The following NPVF variants were observed in gnomAD, a reference collection of about 807,000 sequenced individuals.
NPVF encodes neuropeptide VF precursor.
NPVF carries 17 observed loss-of-function variants against 15.7 expected under a neutral mutation model. The observed-to-expected ratio is 1.08, with a 90% CI of 0.74 to 1.62. The LOEUF is 1.62. Among genes scored for constraint, NPVF ranks in the 40% most tolerant of loss-of-function variants. The pLI is 0.00. For synonymous variants in NPVF, 70 were observed against 80.1 expected (o/e 0.87, Z 0.67); for missense variants, 270 against 225.2 (o/e 1.20, Z -1.27).
chr7:25,225,957 T>A (rs1221431787), intron 2 of NPVF, among the ~76,000 whole-genome samples: 6 of 152,118 alleles, frequency 3.9e-5, no homozygotes, highest in Non-Finnish European at 8.8e-5. Context: ...CCTGAGAAGG[T>A]CTCTCAGATA....
rs768891973 is a variant in NPVF at position 25,225,095 on chromosome 7, C to T, written c.*27G>A. ...AGAGCCATTTGTAGATTACAGGCCA[C>T]AGCTTTAGGGACAGGCTCCAGGTTT... On this transcript the variant is annotated 3_prime_UTR_variant, in exon 3 of 3. Transcript: ENST00000222674. The T allele has an allele frequency of 6.2e-6, 10 of 1,607,084 alleles. No individual in the cohort carries two copies. In the Admixed American group the frequency reaches 1.0e-4, roughly 16 times the overall value.
At chr7:25,227,794 T>A (rs1034131376) in intron 1 of NPVF, among the ~76,000 whole-genome samples, 2 of 152,208 alleles carry the variant, frequency 1.3e-5, no homozygotes, top group Non-Finnish European at 2.9e-5. Context: ...AAAATGAGTA[T>A]ACACGCTAAT....
At chr7:25,225,214 C>A (rs1008877756) in intron 2 of NPVF, 41 bp from the exon 3 acceptor site, 2 of 1,483,834 alleles carry the variant, frequency 1.3e-6, no homozygotes, top group Non-Finnish European at 1.9e-6. Flanking sequence ...CCCATCAGAA[C>A]AACAGCATGC....
intron 2 of NPVF, 126 bp from the exon 3 acceptor site, chr7:25,225,299 T>C: frequency 1.4e-6 from 1 of 723,244 alleles, no homozygotes; most frequent in Non-Finnish European, 2.3e-6. Context: ...GCACTTGAAA[T>C]GAGTGAGATA....
Position 25,228,356 on chromosome 7 carries a change from A to T in NPVF, c.84T>A (p.Asp28Glu). The T allele has an allele frequency of 2.6e-6, 4 of 1,549,520 alleles. No homozygotes were observed. The African/African-American group carries it at 5.4e-5, about 21-fold the overall frequency. The change falls in exon 1 of 3, where the codon GAT becomes GAA. Residue 28 changes from aspartate to glutamate, a missense_variant. Coordinates refer to ENST00000222674, the MANE Select transcript of NPVF (RefSeq NM_022150.3). ...SLLTSNIFCADELVMSNLHSK... is the reference protein window; with the variant it reads ...SLLTSNIFCAEELVMSNLHSK... ...TGTGAAGATTGGACATCACTAATTC[A>T]TCTGCACAAAAAATGTTTGATGTTA...
intron 2 of NPVF, 127 bp from the exon 3 acceptor site, chr7:25,225,300 G>T: frequency 1.4e-6 from 1 of 719,720 alleles, no homozygotes; most frequent in Non-Finnish European, 2.4e-6. Context: ...CACTTGAAAT[G>T]AGTGAGATAT....
At chr7:25,228,242 A>C in intron 1 of NPVF, 60 bp downstream of exon 1, 3 of 1,141,208 alleles carry the variant, frequency 2.6e-6, no homozygotes, top group Non-Finnish European at 3.9e-6. Context: ...AAATCATTAG[A>C]CTTAGGATTA....
intron 2 of NPVF, among the ~76,000 whole-genome samples, chr7:25,225,960 C>T (rs1000535366): frequency 5.9e-5 from 9 of 152,142 alleles, no homozygotes; most frequent in African/African-American, 2.2e-4. Flanking sequence ...GAGAAGGTCT[C>T]TCAGATAAGG....
chr7:25,227,943 T>TTTTG (rs551250404), intron 1 of NPVF, among the ~76,000 whole-genome samples: 4 of 152,338 alleles, frequency 2.6e-5, no homozygotes, highest in South Asian at 2.1e-4. Context: ...GAAATGTGTT[T>TTTTG]TTTGTTTGTT....
chr7:25,225,294 T>C (rs1783111037), intron 2 of NPVF, 121 bp from the exon 3 acceptor site: 6 of 741,184 alleles, frequency 8.1e-6, no homozygotes, highest in Non-Finnish European at 1.4e-5. Context: ...GTGTTGCACT[T>C]GAAATGAGTG....
chr7:25,225,597 C>T (rs1783115456), intron 2 of NPVF, among the ~76,000 whole-genome samples: 1 of 152,242 alleles, frequency 6.6e-6, no homozygotes, highest in Non-Finnish European at 1.5e-5. Context: ...CCAAAGGGCG[C>T]CTCGGCTGTT....
In NPVF at chr7:25,227,007, C is replaced by T. The variant is rs759213475; in HGVS notation, c.158G>A (p.Gly53Glu). The T allele has an allele frequency of 3.0e-5, 49 of 1,612,894 alleles. No homozygotes were observed. Among genetic ancestry groups the T allele is most frequent in the Non-Finnish European group, 3.8e-5 (45 of 1,179,356 alleles). The change falls in exon 2 of 3, where the codon GGG becomes GAG. Residue 53 changes from glycine (G) to glutamate (E), a missense_variant. Physicochemically the swap from Gly to Glu is moderately conservative, Grantham distance 98 (BLOSUM62 -2). Transcript: ENST00000222674. ...KYSEPRGYPKGERSLNFEELK... is the reference protein window; with the variant it reads ...KYSEPRGYPKEERSLNFEELK... ...TTCCTCAAAATTGAGGCTTCTTTCC[C>T]CTTTTGGGTATCCTCTAGGCTATAA... is the stretch of plus-strand genomic sequence containing the variant.
chr7:25,226,531 A>G (rs1025010854), intron 2 of NPVF, 95 bp downstream of exon 2: 6 of 1,419,752 alleles, frequency 4.2e-6, no homozygotes, highest in Admixed American at 2.1e-5. Context: ...TTACTGTCTT[A>G]GAAACTTATG....
rs572195157 is a variant in NPVF at position 25,225,166 on chromosome 7, G to A, written c.547C>T (p.Leu183=). Residue 183 remains leucine, a synonymous_variant, in exon 3 of 3, where the codon CTA becomes TTA. Coordinates refer to ENST00000222674, the MANE Select transcript of NPVF (RefSeq NM_022150.3). Reference sequence around the variant, plus strand: ...TCTGCATCATCTATTTTCTTGAATAGCAGTCTCCTAAAATGTAAGCAGTAT... The same window carrying A: ...TCTGCATCATCTATTTTCTTGAATAACAGTCTCCTAAAATGTAAGCAGTAT... ...NPDQKQSRRL[L]FKKIDDAELK... 1.2e-5 allele frequency: 19 copies of A among 1,605,642 alleles called. No homozygotes were observed. In the African/African-American group the frequency reaches 1.2e-4, roughly 10 times the overall value.
At position 25,228,290 on chromosome 7, in the gene NPVF, TA is replaced by T. The variant is rs1783156044; in HGVS notation, c.138+11del. On this transcript the variant is annotated intron_variant, in intron 1 of 2. Coordinates refer to ENST00000222674, the MANE Select transcript of NPVF (RefSeq NM_022150.3). ...TAATGCTACTCACATTAGAGAGATT[TA>T]AAAAACTTACCTCAGAATATTTGTC... 2.8e-6 allele frequency: 4 copies of T among 1,427,478 alleles called. No homozygotes were observed. The highest frequency in any genetic ancestry group is 3.9e-6 in the Non-Finnish European group (4 of 1,016,108). The allele number at this position is 1,427,478 out of a possible 1,614,324, so 88.4% of individuals were successfully genotyped here.
In NPVF at chr7:25,226,699, A is replaced by C. The variant is rs148507237; in HGVS notation, c.466T>G (p.Cys156Gly). 3 of 1,614,212 alleles carry C rather than the reference A, an allele frequency of 1.9e-6. No individual in the cohort carries two copies. The highest frequency in any genetic ancestry group is 1.6e-4 in the Middle Eastern group (1 of 6,062). Residue 156 changes from cysteine to glycine, a missense_variant, in exon 2 of 3, where the codon TGT becomes GGT. Physicochemically the swap from Cys to Gly is radical, Grantham distance 159. Coordinates refer to ENST00000222674, the MANE Select transcript of NPVF (RefSeq NM_022150.3). ...DLCQGSMHSP[C>G]ANDLFYSMTC... ...ATGGAGTAAAATAAGTCATTGGCACATGGTGAATGCATGGATCCTTGACAC... is the reference window on the plus strand; with the variant it reads ...ATGGAGTAAAATAAGTCATTGGCACCTGGTGAATGCATGGATCCTTGACAC...
rs1783136701 is a variant in NPVF, at chr7:25,226,838, A to T, written c.327T>A (p.Pro109=). Residue 109 remains proline, a synonymous_variant, in exon 2 of 3, where the codon CCT becomes CCA. Coordinates refer to ENST00000222674, the MANE Select transcript of NPVF (RefSeq NM_022150.3). The part of the protein sequence containing the change: ...ERSAGATANL[P]LRSGRNMEVS... ...CCTCCATATTTCTTCCAGATCTCAG[A>T]GGCAGGTTGGCTGTTGCTCCAGCAC... 6.2e-7 allele frequency: 1 copy of T among 1,614,058 alleles called. No individual in the cohort carries two copies. The highest frequency in any genetic ancestry group is 1.3e-5 in the African/African-American group (1 of 74,922).
At position 25,226,844 on chromosome 7, in the gene NPVF, G is replaced by T; in HGVS notation, c.321C>A (p.Asn107Lys). ...TATTTCTTCCAGATCTCAGAGGCAGGTTGGCTGTTGCTCCAGCACTTCTTT... is the reference window on the plus strand; with the variant it reads ...TATTTCTTCCAGATCTCAGAGGCAGTTTGGCTGTTGCTCCAGCACTTCTTT... Reference protein sequence around the residue: ...QEERSAGATANLPLRSGRNME... With the variant: ...QEERSAGATAKLPLRSGRNME... Residue 107 changes from asparagine (N) to lysine (K), a missense_variant, in exon 2 of 3, where the codon AAC (asparagine) becomes AAA (lysine). By Grantham distance (94) the Asn-to-Lys change is moderately conservative. Transcript: ENST00000222674. 1 of 1,614,186 alleles carries T rather than the reference G, an allele frequency of 6.2e-7. No homozygotes were observed. The highest frequency in any genetic ancestry group is 1.7e-5 in the Admixed American group (1 of 60,022).
intron 2 of NPVF, 74 bp downstream of exon 2, chr7:25,226,552 G>A (rs1783131207): frequency 2.0e-6 from 3 of 1,480,382 alleles, no homozygotes; most frequent in East Asian, 2.3e-5. Flanking sequence ...TTGAAAAGAT[G>A]TAGTCATTTT....
Sources: gnomAD v4.1 joint callset for allele counts (sites outside exome capture counted in the v4.1 genomes callset) on GRCh38, gnomAD v4.1.1 for gene constraint, MANE v1.5 for transcripts, NCBI Gene and HGNC (gene_info 2026-07-23, HGNC 2026-07-21) for gene names.